The following RAB8B variants were observed in gnomAD, a reference collection of about 807,000 sequenced individuals.
RAB8B encodes ras-related protein Rab-8B.
In RAB8B, 11 loss-of-function variants were observed where a neutral mutation model predicts 32.0. The observed-to-expected ratio is 0.34, with a 90% CI of 0.22 to 0.57. RAB8B has a LOEUF of 0.57. Ranked by LOEUF, RAB8B falls within the 20% of genes least tolerant of loss-of-function variation. The pLI is 0.86. For missense variants in RAB8B, 190 were observed against 258.5 expected (o/e 0.73, Z 1.82); for synonymous variants, 103 against 89.6 (o/e 1.15, Z -0.85).
intron 1 of RAB8B, among the ~76,000 whole-genome samples, chr15:63,202,931 G>A (rs561935553): frequency 1.5e-4 from 23 of 152,178 alleles, no homozygotes; most frequent in Non-Finnish European, 8.8e-5. Context: ...TTGCTAAAAC[G>A]CATGAGCTTG....
At chr15:63,223,909 T>G (rs2037868208) in intron 1 of RAB8B, 1 of 427,176 alleles carries the variant, frequency 2.3e-6, no homozygotes, top group African/African-American at 2.0e-5. Flanking sequence ...TGTCTGCTAA[T>G]GAAGCAGTGT....
chr15:63,193,375 A>G (rs751799290), intron 1 of RAB8B, among the ~76,000 whole-genome samples: 21 of 152,314 alleles, frequency 1.4e-4, no homozygotes, highest in Admixed American at 2.6e-4. Flanking sequence ...ATATCTGTCA[A>G]TAGTTTAGTT....
rs1388475033 is a variant in RAB8B at position 63,189,711 on chromosome 15, A to G, written c.87A>G (p.Ser29=). 6.3e-7 allele frequency: 1 copy of G among 1,597,204 alleles called. No individual in the cohort carries two copies. The highest frequency in any genetic ancestry group is 8.5e-7 in the Non-Finnish European group (1 of 1,169,892). ...VGKTCLLFRF[S]EDAFNTTFIS... ...AGACCTGCCTCCTGTTCCGCTTCTC[A>G]GAGGACGCCTTCAACACCACCTTCA... Residue 29 remains serine (S), a synonymous_variant, in exon 1 of 8, where the codon TCA becomes TCG. Coordinates refer to ENST00000321437, the MANE Select transcript of RAB8B (RefSeq NM_016530.3).
rs147754045 is a variant in RAB8B at position 63,193,672 on chromosome 15, G to A, written c.124+3924G>A. 5.9e-4 allele frequency among the ~76,000 whole-genome samples: 89 copies of A among 152,128 alleles called. 1 individual carries two copies. The East Asian group carries it at 0.013, about 22-fold the overall frequency. Reference sequence around the variant, plus strand: ...AAAAAATACAAAAAATTAGCCGGGGGTGGCAGCGGGCACCTGTAGTCCCAG... The same window carrying A: ...AAAAAATACAAAAAATTAGCCGGGGATGGCAGCGGGCACCTGTAGTCCCAG... On this transcript the variant is annotated intron_variant, in intron 1 of 7. Coordinates refer to ENST00000321437, the MANE Select transcript of RAB8B (RefSeq NM_016530.3).
intron 1 of RAB8B, among the ~76,000 whole-genome samples, chr15:63,221,457 C>G (rs1229160220): frequency 6.6e-6 from 1 of 152,120 alleles, no homozygotes; most frequent in Non-Finnish European, 1.5e-5. Flanking sequence ...TACCTTTGAG[C>G]TATATTAGTA....
intron 5 of RAB8B, among the ~76,000 whole-genome samples, chr15:63,257,428 G>A (rs771079962): frequency 2.0e-5 from 3 of 151,784 alleles, no homozygotes; most frequent in Non-Finnish European, 4.4e-5. Context: ...ACATATACCC[G>A]GCTAATTTTT....
At chr15:63,253,564 C>G (rs28674124) in intron 3 of RAB8B, among the ~76,000 whole-genome samples, 3,655 of 152,120 alleles carry the variant, frequency 0.024, 126 homozygotes, top group African/African-American at 0.076. Flanking sequence ...TGCCCGTAAT[C>G]TCAGCAGCTC....
chr15:63,231,633 C>T (rs1296865973), intron 1 of RAB8B, among the ~76,000 whole-genome samples: 2 of 151,956 alleles, frequency 1.3e-5, no homozygotes, highest in Admixed American at 6.6e-5. Context: ...GGTTCATACT[C>T]GAGGGGTTTT....
At position 63,246,778 on chromosome 15, in the gene RAB8B, G is replaced by A. The variant is rs369958817; in HGVS notation, c.185+1962G>A. Among the ~76,000 whole-genome samples, 10 of 152,296 alleles carry A rather than the reference G, an allele frequency of 6.6e-5. No individual in the cohort carries two copies. The South Asian group carries it at 2.1e-3, about 32-fold the overall frequency. Reference sequence around the variant, plus strand: ...CAGAGGTCGAATGGTAGGACTGAAAGTTCCAGCCCGCTTATCACTTGGTTG... The same window carrying A: ...CAGAGGTCGAATGGTAGGACTGAAAATTCCAGCCCGCTTATCACTTGGTTG... On this transcript the variant is annotated intron_variant, in intron 2 of 7. Coordinates refer to ENST00000321437, the MANE Select transcript of RAB8B (RefSeq NM_016530.3).
In RAB8B at chr15:63,264,701, G is replaced by A. The variant is rs1363291337; in HGVS notation, c.*1082G>A. ...TTAATAGAGCTAGCTCTTGGTAATGGTGAAAATAATGAGTTTTGGTTGGTT... is the reference window on the plus strand; with the variant it reads ...TTAATAGAGCTAGCTCTTGGTAATGATGAAAATAATGAGTTTTGGTTGGTT... On this transcript the variant is annotated 3_prime_UTR_variant, in exon 8 of 8. Coordinates refer to ENST00000321437, the MANE Select transcript of RAB8B (RefSeq NM_016530.3). 1 of 152,190 alleles carries A rather than the reference G, an allele frequency of 6.6e-6. No homozygotes were observed. The highest frequency in any genetic ancestry group is 1.5e-5 in the Non-Finnish European group (1 of 68,040). The allele number at this position is 152,190 out of a possible 1,614,324, so 9.4% of individuals were successfully genotyped here. A position where few individuals can be genotyped will look rare whatever the true frequency, so the allele number is the denominator to read the frequency against.
intron 1 of RAB8B, among the ~76,000 whole-genome samples, chr15:63,190,561 C>G (rs947403706): frequency 6.6e-6 from 1 of 152,132 alleles, no homozygotes; most frequent in African/African-American, 2.4e-5. Context: ...AACTGATTAC[C>G]ATTTTCTCTT....
At chr15:63,205,811 T>C (rs1391941951) in intron 1 of RAB8B, among the ~76,000 whole-genome samples, 1 of 152,228 alleles carries the variant, frequency 6.6e-6, no homozygotes, top group Non-Finnish European at 1.5e-5. Flanking sequence ...AAAAGCATAT[T>C]GTAAAAAATG....
At chr15:63,197,370 CTTTTTTTTTTTTT>C (rs58765418) in intron 1 of RAB8B, among the ~76,000 whole-genome samples, 21 of 61,412 alleles carry the variant, frequency 3.4e-4, no homozygotes, top group African/African-American at 1.5e-3. Flanking sequence ...TCTTTCTTTT[CTTTTTTTTTTTTT>C]TTTTTTTTAA....
intron 1 of RAB8B, among the ~76,000 whole-genome samples, chr15:63,221,683 G>C (rs988212414): frequency 1.3e-5 from 2 of 152,176 alleles, no homozygotes; most frequent in African/African-American, 4.8e-5. Flanking sequence ...ACAGGTTCCT[G>C]AATGGACTTC....
rs1012717494 is a variant in RAB8B, at chr15:63,248,236, G to A, written c.186-1409G>A. 7.9e-5 allele frequency among the ~76,000 whole-genome samples: 12 copies of A among 152,202 alleles called. No homozygotes were observed. Among genetic ancestry groups the A allele is most frequent in the African/African-American group, 1.9e-4 (8 of 41,442 alleles). On this transcript the variant is annotated intron_variant, in intron 2 of 7. Coordinates refer to ENST00000321437, the MANE Select transcript of RAB8B (RefSeq NM_016530.3). The surrounding 1 kb of genome is among the most constrained non-coding windows in gnomAD (Gnocchi z 4.4). ...CTCCTTCAAGAGTATGAGCTGGGCC[G>A]GGTGCAGTGGCTCACGCCTGTAATG...
At chr15:63,202,145 G>C (rs998752455) in intron 1 of RAB8B, among the ~76,000 whole-genome samples, 43 of 150,096 alleles carry the variant, frequency 2.9e-4, no homozygotes, top group Non-Finnish European at 1.3e-4. Context: ...GGGCGTGGTG[G>C]CAGGCACCTG....
At chr15:63,241,035 C>T (rs994314723) in intron 1 of RAB8B, among the ~76,000 whole-genome samples, 4 of 152,248 alleles carry the variant, frequency 2.6e-5, no homozygotes, top group Admixed American at 2.0e-4. Context: ...TGGTATACAT[C>T]GTCGTTTATT....
chr15:63,251,627 T>C (rs2152581064), intron 3 of RAB8B, among the ~76,000 whole-genome samples: 1 of 152,306 alleles, frequency 6.6e-6, no homozygotes, highest in South Asian at 2.1e-4. Flanking sequence ...TAATTAGAAA[T>C]TGTTGCTATT....
At chr15:63,236,628 G>C (rs1335235944) in intron 1 of RAB8B, among the ~76,000 whole-genome samples, 1 of 151,934 alleles carries the variant, frequency 6.6e-6, no homozygotes, top group Admixed American at 6.6e-5. Context: ...AAAAATTGTG[G>C]GTACATAGTA....
Sources: allele counts gnomAD v4.1 joint callset (sites outside exome capture counted in the v4.1 genomes callset), GRCh38; gene constraint gnomAD v4.1.1; non-coding constraint Gnocchi (gnomAD v3.1); transcripts MANE v1.5; gene names NCBI Gene and HGNC (gene_info 2026-07-23, HGNC 2026-07-21).